Variants in SPTBN5 observed in about 807,000 individuals in gnomAD.
SPTBN5 encodes spectrin beta chain, non-erythrocytic 5.
SPTBN5 carries 513 observed loss-of-function variants against 477.6 expected under a neutral mutation model. That is an observed-to-expected ratio of 1.07 (90% CI 1.00 to 1.16). The LOEUF (loss-of-function observed/expected upper bound fraction) is 1.16. Among genes scored for constraint, SPTBN5 ranks in the 50% most tolerant of loss-of-function variants. The pLI, the probability that SPTBN5 is intolerant of heterozygous loss-of-function variation, is 0.00. For synonymous variants in SPTBN5, 2,169 were observed against 2,011.7 expected (o/e 1.08, Z -2.09); for missense variants, 5,062 against 4,731.8 (o/e 1.07, Z -2.05).
intron 21 of SPTBN5, among the ~76,000 whole-genome samples, chr15:41,875,875 G>A (rs2140949845): frequency 6.6e-6 from 1 of 152,312 alleles, no homozygotes; most frequent in Admixed American, 6.5e-5. Flanking sequence ...GGTAGAGGTG[G>A]CCGGCTCTGG....
intron 63 of SPTBN5, 51 bp from the exon 64 acceptor site, chr15:41,851,420 G>C: frequency 1.5e-6 from 2 of 1,355,628 alleles, no homozygotes; most frequent in Non-Finnish European, 2.1e-6. Flanking sequence ...GGAAGCCAGA[G>C]CTAGGGCCTG....
chr15:41,882,229 C>CCCGG, intron 11 of SPTBN5, 40 bp downstream of exon 11: 115 of 1,263,232 alleles, frequency 9.1e-5, no homozygotes, highest in Non-Finnish European at 1.1e-4. Context: ...CCCGCCTCGC[C>CCCGG]GGGCCCCGCC....
chr15:41,855,239 G>A lies in SPTBN5; in HGVS notation c.9408C>T (p.Asp3136=), dbSNP rs1181730552. The part of the protein sequence containing the change: ...ATAESQDYGQ[D]LEGVKVLEEK... ...AGTAACTCACCTTGACACCCTCCAG[G>A]TCCTGCCCGTAGTCCTGGGACTCGG... is the stretch of plus-strand genomic sequence containing the variant. Residue 3136 remains aspartate, a synonymous_variant, in exon 55 of 68, where the codon GAC becomes GAT. Coordinates refer to ENST00000320955, the MANE Select transcript of SPTBN5 (RefSeq NM_016642.4). 2 of 1,611,920 alleles carry A rather than the reference G, an allele frequency of 1.2e-6. No individual in the cohort carries two copies. Among genetic ancestry groups the A allele is most frequent in the Admixed American group, 3.3e-5 (2 of 59,940 alleles).
At position 41,869,958 on chromosome 15, in the gene SPTBN5, A is replaced by G. The variant is rs1035046905; in HGVS notation, c.5736T>C (p.His1912=). 1.9e-6 allele frequency: 3 copies of G among 1,549,712 alleles called. No individual in the cohort carries two copies. The highest frequency in any genetic ancestry group is 1.7e-6 in the Non-Finnish European group (2 of 1,145,586). Residue 1912 remains histidine (H), a synonymous_variant, in exon 32 of 68, where the codon CAT becomes CAC. Coordinates refer to ENST00000320955, the MANE Select transcript of SPTBN5 (RefSeq NM_016642.4). The stretch of plus-strand genomic sequence containing the variant: ...CAGCTTGCTGCCTCTGCTGCACCGC[A>G]TGGGCCTGAGGCCCCGGACACAGCT... The part of the protein sequence containing the change: ...VQKLCPGPQA[H]AVQQRQQAVT...
At chr15:41,850,992 G>C (rs957444396) in intron 65 of SPTBN5, 53 bp from the exon 66 acceptor site, 1 of 1,588,950 alleles carries the variant, frequency 6.3e-7, no homozygotes, top group Non-Finnish European at 8.6e-7. Context: ...GGACCCCCAC[G>C]CCTCCAGCCC....
Position 41,871,854 on chromosome 15 carries a change from C to T in SPTBN5, c.5229G>A (p.Gln1743=). ...HEFLREAEDL[Q]GWLASQKQAA... ...CCTGCTTCTGGCTTGCCAGCCAGCC[C>T]TGCAGGTCCTCAGCCTCCCTCAGGA... The change falls in exon 28 of 68, where the codon CAG becomes CAA. Residue 1743 remains glutamine, a synonymous_variant. Transcript: ENST00000320955. 6.3e-7 allele frequency: 1 copy of T among 1,587,982 alleles called. No individual in the cohort carries two copies.
intron 3 of SPTBN5, among the ~76,000 whole-genome samples, chr15:41,891,097 A>C (rs2067296389): frequency 6.6e-6 from 1 of 152,174 alleles, no homozygotes; most frequent in Non-Finnish European, 1.5e-5. Flanking sequence ...TTTATTTAAC[A>C]CAGAAACTTA....
At position 41,872,382 on chromosome 15, in the gene SPTBN5, G is replaced by A. The variant is rs370622507; in HGVS notation, c.5085C>T (p.Pro1695=). The change falls in exon 27 of 68, where the codon CCC becomes CCT. Residue 1695 remains proline, a synonymous_variant. Coordinates refer to ENST00000320955, the MANE Select transcript of SPTBN5 (RefSeq NM_016642.4). ...LDQTAQTLTG[P]EVPEQQRVVQ... ...CCACACGCTGCTGCTCAGGGACTTC[G>A]GGGCCAGTGAGGGTTTGGGCCGTCT... The A allele has an allele frequency of 2.3e-5, 37 of 1,609,218 alleles. No individual in the cohort carries two copies. In the African/African-American group the frequency reaches 2.7e-4, roughly 12 times the overall value.
chr15:41,881,993 CTCGGCCGCGAAG>C lies in SPTBN5; in HGVS notation c.2388_2399del (p.Phe797_Glu800del). On this transcript the variant is annotated inframe_deletion, in exon 12 of 68. Coordinates refer to ENST00000320955, the MANE Select transcript of SPTBN5 (RefSeq NM_016642.4). ...GCCCCTGCTCCTCCAGCCGCCGCAG[CTCGGCCGCGAAG>C]GCGCGCAGGACGCGCTCCAGCCGCA... 6.5e-7 allele frequency: 1 copy of C among 1,537,330 alleles called. No individual in the cohort carries two copies. Among genetic ancestry groups the C allele is most frequent in the Non-Finnish European group, 8.7e-7 (1 of 1,151,174 alleles).
At chr15:41,873,440 G>T in intron 26 of SPTBN5, 52 bp downstream of exon 26, 1 of 1,359,220 alleles carries the variant, frequency 7.4e-7, no homozygotes, top group Non-Finnish European at 1.0e-6. Flanking sequence ...CCCTCTCCCC[G>T]TGGTCCATCA....
intron 42 of SPTBN5, 62 bp downstream of exon 42, chr15:41,862,728 A>G: frequency 6.5e-7 from 1 of 1,542,342 alleles, no homozygotes; most frequent in Non-Finnish European, 8.7e-7. Flanking sequence ...CCTCCTCCCC[A>G]CTTGTGCCCA....
chr15:41,856,852 C>T lies in SPTBN5; in HGVS notation c.8808+1G>A. The T allele has an allele frequency of 6.5e-7, 1 of 1,544,620 alleles. No homozygotes were observed. Among genetic ancestry groups the T allele is most frequent in the Middle Eastern group, 1.7e-4 (1 of 5,896 alleles). On this transcript the variant is annotated splice_donor_variant, in intron 52 of 67. Coordinates refer to ENST00000320955, the MANE Select transcript of SPTBN5 (RefSeq NM_016642.4). LOFTEE classifies it high-confidence loss of function. ...CCAGCCCTCCCCGGGTGGGCCCACA[C>T]CTGGTGCTGCTCCTGCAGGTGCCGC...
At chr15:41,864,121 C>A (rs1048315024) in intron 39 of SPTBN5, 97 bp from the exon 40 acceptor site, 99 of 1,114,954 alleles carry the variant, frequency 8.9e-5, no homozygotes, top group Non-Finnish European at 1.2e-4. Context: ...GGCCCCGGAG[C>A]ATGAGGAACT....
chr15:41,884,995 G>C (rs2067100664), intron 7 of SPTBN5, among the ~76,000 whole-genome samples: 1 of 152,070 alleles, frequency 6.6e-6, no homozygotes, highest in Non-Finnish European at 1.5e-5. Flanking sequence ...CTCAAACTTA[G>C]CACCTCATAT....
In SPTBN5 at chr15:41,862,576, C is replaced by A; in HGVS notation, c.7348G>T (p.Glu2450Ter). 1 of 1,559,730 alleles carries A rather than the reference C, an allele frequency of 6.4e-7. No homozygotes were observed. The highest frequency in any genetic ancestry group is 2.4e-5 in the East Asian group (1 of 41,956). The change falls in exon 43 of 68, where the codon GAG becomes TAG. Residue 2450 changes from glutamate (E) to a stop codon, truncating the protein, a stop_gained. Coordinates refer to ENST00000320955, the MANE Select transcript of SPTBN5 (RefSeq NM_016642.4). LOFTEE classifies it high-confidence loss of function. ...GLRHRQQEVA[E>*]SWWQLRSRAQ... ...CTGCTCCGGAGCTGCCACCAGCTCT[C>A]AGCCACCTCCTGCTGCCTGTGCCTG... is the stretch of plus-strand genomic sequence containing the variant.
intron 28 of SPTBN5, 118 bp downstream of exon 28, chr15:41,871,664 C>T (rs536553304): frequency 2.1e-6 from 3 of 1,420,628 alleles, no homozygotes; most frequent in East Asian, 2.7e-5. Flanking sequence ...GGAGGCCCCA[C>T]CTCAGCCAGG....
intron 56 of SPTBN5, 119 bp downstream of exon 56, chr15:41,854,663 C>G (rs2065879328): frequency 1.2e-6 from 1 of 855,602 alleles, no homozygotes; most frequent in Non-Finnish European, 1.7e-6. Flanking sequence ...AAGGCACATT[C>G]ACTTGAGGCC....
rs764837931 is a variant in SPTBN5, at chr15:41,860,567, AC to A, written c.7988+18del. The A allele has an allele frequency of 7.2e-7, 1 of 1,382,976 alleles. No individual in the cohort carries two copies. 85.7% of individuals were successfully genotyped at this position (1,382,976 alleles called of 1,614,324 possible). A position where few individuals can be genotyped will look rare whatever the true frequency, so the allele number is the denominator to read the frequency against. On this transcript the variant is annotated intron_variant, in intron 47 of 67. Coordinates refer to ENST00000320955, the MANE Select transcript of SPTBN5 (RefSeq NM_016642.4). ...TGCCAGCCTGCCCACAGCACCCCTC[AC>A]CCCAGAGCCACCACTACCTCAGAAG...
Position 41,874,001 on chromosome 15 carries a change from C to A in SPTBN5, c.4734G>T (p.Arg1578=), listed in dbSNP as rs374520033. 116 of 1,603,180 alleles carry A rather than the reference C, an allele frequency of 7.2e-5. No individual in the cohort carries two copies. In the African/African-American group the frequency reaches 1.4e-3, roughly 19 times the overall value. ...CCAGGCTCCGCCCAGAACTCAGCAC[C>A]CGTTGCACCTGCCCCTGGTGAGCTT... The part of the protein sequence containing the change: ...EVKAHQGQVQ[R]VLSSGRSLAA... The change falls in exon 25 of 68, where the codon CGG becomes CGT. Residue 1578 remains arginine (R), a synonymous_variant. Coordinates refer to ENST00000320955, the MANE Select transcript of SPTBN5 (RefSeq NM_016642.4).
Sources: gnomAD v4.1 joint callset for allele counts (sites outside exome capture counted in the v4.1 genomes callset) on GRCh38, gnomAD v4.1.1 for gene constraint, MANE v1.5 for transcripts, NCBI Gene and HGNC (gene_info 2026-07-23, HGNC 2026-07-21) for gene names.